ST18: variants seen among roughly 807,000 people sequenced by gnomAD.
ST18 encodes suppression of tumorigenicity 18 protein.
Under a neutral mutation model 110.0 loss-of-function variants are expected in ST18, and 50 were observed. The ratio of observed to expected loss-of-function variants is 0.45; its 90% CI spans 0.36 to 0.58. The LOEUF (loss-of-function observed/expected upper bound fraction) is 0.58, where lower values mean the gene tolerates loss of function less well. Among genes scored for constraint, ST18 ranks in the 20% least tolerant of loss-of-function variants. The pLI is 0.00. For missense variants in ST18, 1,306 were observed against 1,280.1 expected, an observed-to-expected ratio of 1.02 and a Z score of -0.31; for synonymous variants, 461 against 452.4, an observed-to-expected ratio of 1.02 and a Z score of -0.24.
intron 3 of ST18, among the ~76,000 whole-genome samples, chr8:52,222,453 G>A (rs139133806): frequency 1.5e-4 from 23 of 152,280 alleles, no homozygotes; most frequent in Admixed American, 4.6e-4. Flanking sequence ...CCCATCTGCC[G>A]TGGCTCCCCT....
At chr8:52,211,660 G>A (rs1194210131) in intron 8 of ST18, among the ~76,000 whole-genome samples, 2 of 152,014 alleles carry the variant, frequency 1.3e-5, no homozygotes, top group African/African-American at 4.8e-5. Context: ...GCTCACCTCA[G>A]CCTGGAATCA....
At chr8:52,299,172 A>G (rs1010759144) in intron 2 of ST18, among the ~76,000 whole-genome samples, 3 of 152,202 alleles carry the variant, frequency 2.0e-5, no homozygotes, top group African/African-American at 7.2e-5. Flanking sequence ...ACACACGCAC[A>G]CACACATATT....
intron 8 of ST18, among the ~76,000 whole-genome samples, chr8:52,193,983 G>C (rs1270009192): frequency 6.6e-6 from 1 of 152,180 alleles, no homozygotes; most frequent in Non-Finnish European, 1.5e-5. Context: ...TTGCTGTCAT[G>C]GAACACTGAT....
chr8:52,391,789 G>A (rs1311431207), intron 2 of ST18, among the ~76,000 whole-genome samples: 1 of 152,180 alleles, frequency 6.6e-6, no homozygotes, highest in Non-Finnish European at 1.5e-5. Context: ...GGCAACACAT[G>A]ACTGTAATTC....
At chr8:52,276,300 A>G (rs1480647246) in intron 2 of ST18, among the ~76,000 whole-genome samples, 1 of 149,716 alleles carries the variant, frequency 6.7e-6, no homozygotes, top group African/African-American at 2.5e-5. Flanking sequence ...ACACAACCAC[A>G]TACCACACCT....
chr8:52,324,441 G>A (rs1163983522), intron 2 of ST18, among the ~76,000 whole-genome samples: 1 of 152,016 alleles, frequency 6.6e-6, no homozygotes, highest in Non-Finnish European at 1.5e-5. Flanking sequence ...GAATGCTATG[G>A]ACAGGTAAGG....
At chr8:52,158,605 C>T (rs1487253810) in intron 15 of ST18, among the ~76,000 whole-genome samples, 2 of 152,166 alleles carry the variant, frequency 1.3e-5, no homozygotes, top group African/African-American at 4.8e-5. Context: ...GCAAAAACAG[C>T]TTTGAAATGT....
chr8:52,149,458 T>C (rs958062649), intron 16 of ST18, among the ~76,000 whole-genome samples: 1 of 152,238 alleles, frequency 6.6e-6, no homozygotes, highest in Admixed American at 6.5e-5. Context: ...AAGGGATAGA[T>C]AATATAATCT....
At chr8:52,357,419 A>G (rs1360702814) in intron 2 of ST18, among the ~76,000 whole-genome samples, 1 of 151,826 alleles carries the variant, frequency 6.6e-6, no homozygotes, top group Non-Finnish European at 1.5e-5. Flanking sequence ...ACCCAACTAT[A>G]TACTACTTAT....
At chr8:52,136,100 A>C (rs2131731561) in intron 19 of ST18, among the ~76,000 whole-genome samples, 1 of 152,336 alleles carries the variant, frequency 6.6e-6, no homozygotes, top group Admixed American at 6.5e-5. Context: ...TGAAATCACA[A>C]AGTAAAAGTT....
At chr8:52,343,296 TCA>T (rs1816054835) in intron 2 of ST18, among the ~76,000 whole-genome samples, 1 of 152,148 alleles carries the variant, frequency 6.6e-6, no homozygotes, top group African/African-American at 2.4e-5. Flanking sequence ...CTACCGTATT[TCA>T]CAGAGCACCG....
chr8:52,212,448 A>ATT lies in ST18; in HGVS notation c.56-340_56-339insAA, dbSNP rs1443497130. Among the ~76,000 whole-genome samples, 879 of 152,332 alleles carry ATT rather than the reference A, an allele frequency of 5.8e-3. 11 individuals carry two copies. The highest frequency in any genetic ancestry group is 0.021 in the Admixed American group (319 of 15,304). The stretch of plus-strand genomic sequence containing the variant: ...TTTATTTTTAGTACAAAATTATTCA[A>ATT]AAGGAATCCCAAGATTATATCTTTA... On this transcript the variant is annotated intron_variant, in intron 7 of 25. Transcript: ENST00000689386.
intron 2 of ST18, among the ~76,000 whole-genome samples, chr8:52,336,407 T>A (rs1812106145): frequency 6.6e-6 from 1 of 152,128 alleles, no homozygotes; most frequent in Non-Finnish European, 1.5e-5. Flanking sequence ...CACCTTGGCC[T>A]CTCAAAGTGC....
chr8:52,336,430 T>C (rs780017056), intron 2 of ST18, among the ~76,000 whole-genome samples: 66 of 152,088 alleles, frequency 4.3e-4, no homozygotes, highest in Non-Finnish European at 8.4e-4. Context: ...GGATTACAGG[T>C]GTGAGCCACC....
intron 8 of ST18, among the ~76,000 whole-genome samples, chr8:52,192,085 T>A (rs1486194503): frequency 2.0e-5 from 3 of 152,092 alleles, no homozygotes; most frequent in Admixed American, 2.0e-4. Context: ...ATTGATGGAG[T>A]AGCATTAGTG....
chr8:52,279,376 G>A (rs1331571286), intron 2 of ST18, among the ~76,000 whole-genome samples: 4 of 152,068 alleles, frequency 2.6e-5, no homozygotes, highest in Non-Finnish European at 5.9e-5. Context: ...AGCACAAACA[G>A]ATATGGAGAT....
chr8:52,278,376 G>A (rs2095314004), intron 2 of ST18, among the ~76,000 whole-genome samples: 2 of 152,070 alleles, frequency 1.3e-5, no homozygotes, highest in Non-Finnish European at 2.9e-5. Context: ...TTAAGCATAG[G>A]CAAAATTATT....
At chr8:52,241,317 G>A (rs963241888) in intron 2 of ST18, among the ~76,000 whole-genome samples, 6 of 152,220 alleles carry the variant, frequency 3.9e-5, no homozygotes, top group African/African-American at 1.2e-4. Context: ...AATCTTCCCT[G>A]ATGTTTCCTC....
At chr8:52,113,985 T>C (rs961343390) in intron 25 of ST18, among the ~76,000 whole-genome samples, 2 of 112,102 alleles carry the variant, frequency 1.8e-5, no homozygotes, top group African/African-American at 8.7e-5. Flanking sequence ...TTTTTTTTTT[T>C]TGGAGTCAGA....
Sources: gnomAD v4.1 joint callset for allele counts (sites outside exome capture counted in the v4.1 genomes callset) on GRCh38, gnomAD v4.1.1 for gene constraint, MANE v1.5 for transcripts, NCBI Gene and HGNC (gene_info 2026-07-23, HGNC 2026-07-21) for gene names.